Variants in NBAS observed in about 807,000 individuals in gnomAD.
NBAS encodes the protein NBAS subunit of NRZ tethering complex.
In NBAS, 219 loss-of-function variants were observed where a neutral mutation model predicts 302.5. That is an observed-to-expected ratio of 0.72 (90% CI 0.65 to 0.81). NBAS has a LOEUF of 0.81. Among genes scored for constraint, NBAS ranks in the 30% least tolerant of loss-of-function variants. The probability of loss-of-function intolerance (pLI) is 0.00; values close to 1 mark genes in which losing one functional copy is unlikely to be tolerated. For synonymous variants in NBAS, 1,118 were observed against 1,021.6 expected, an observed-to-expected ratio of 1.09 and a Z score of -1.80; for missense variants, 2,932 against 2,841.6, an observed-to-expected ratio of 1.03 and a Z score of -0.72.
At chr2:14,859,521 C>A in the NBAS span, among the ~76,000 whole-genome samples, 9 of 151,820 alleles carry the variant, frequency 5.9e-5, no homozygotes, top group Non-Finnish European at 1.2e-4. Context: ...AAATAGAGAA[C>A]CCAGATTCAC....
At chr2:15,060,005 T>C in the NBAS span, among the ~76,000 whole-genome samples, 2 of 146,002 alleles carry the variant, frequency 1.4e-5, no homozygotes, top group Admixed American at 1.4e-4. Context: ...CGTAGAAGTG[T>C]CGTCATTTAA....
chr2:14,913,266 C>A, the NBAS span, among the ~76,000 whole-genome samples: 2 of 152,232 alleles, frequency 1.3e-5, no homozygotes, highest in East Asian at 3.9e-4. Context: ...GTGCTGTGGC[C>A]GACTTAAGCA....
intron 7 of NBAS, chr2:15,538,215 G>T (rs929275396): frequency 8.8e-6 from 2 of 228,380 alleles, no homozygotes; most frequent in African/African-American, 2.3e-5. Context: ...TATTGTATAT[G>T]TGACCAAATA....
the NBAS span, among the ~76,000 whole-genome samples, chr2:14,985,111 G>C: frequency 6.6e-6 from 1 of 152,246 alleles, no homozygotes. Context: ...TGTCAGAGCA[G>C]AGGTAAATGT....
the NBAS span, among the ~76,000 whole-genome samples, chr2:14,932,477 A>C: frequency 6.6e-6 from 1 of 152,230 alleles, no homozygotes; most frequent in Admixed American, 6.5e-5. Context: ...CTGATGACTA[A>C]GCCAGTTATT....
chr2:15,100,710 C>T, the NBAS span, among the ~76,000 whole-genome samples: 1 of 152,264 alleles, frequency 6.6e-6, no homozygotes, highest in South Asian at 2.1e-4. Flanking sequence ...CACATTAGAT[C>T]TGACCCTTCA....
the NBAS span, among the ~76,000 whole-genome samples, chr2:15,109,818 C>G: frequency 6.6e-6 from 1 of 152,194 alleles, no homozygotes. Flanking sequence ...GTTAGGATTT[C>G]AACATATGAA....
intron 25 of NBAS, among the ~76,000 whole-genome samples, chr2:15,409,061 AG>A (rs1676558570): frequency 6.6e-6 from 1 of 152,200 alleles, no homozygotes; most frequent in African/African-American, 2.4e-5. Context: ...ATTAACTATT[AG>A]GTTGACTTAA....
chr2:15,523,021 G>A (rs1264891047), intron 9 of NBAS, among the ~76,000 whole-genome samples: 1 of 152,146 alleles, frequency 6.6e-6, no homozygotes, highest in African/African-American at 2.4e-5. Flanking sequence ...TATCTGAAAC[G>A]GTGCGCACCA....
At chr2:14,841,180 C>A in the NBAS span, among the ~76,000 whole-genome samples, 1 of 151,388 alleles carries the variant, frequency 6.6e-6, no homozygotes, top group African/African-American at 2.4e-5. Flanking sequence ...AATGGAAAAA[C>A]GTATCATGGA....
intron 51 of NBAS, among the ~76,000 whole-genome samples, chr2:15,176,905 T>TA (rs1440665867): frequency 6.6e-6 from 1 of 152,158 alleles, no homozygotes; most frequent in Non-Finnish European, 1.5e-5. Context: ...CTCAAAAAGT[T>TA]AAAAAAATGT....
chr2:14,988,017 A>ATGATAAGGTGTCCGTATT, the NBAS span, among the ~76,000 whole-genome samples: 1 of 152,052 alleles, frequency 6.6e-6, no homozygotes, highest in Non-Finnish European at 1.5e-5. Context: ...CTCAATCCAT[A>ATGATAAGGTGTCCGTATT]TGATAAGGTG....
intron 48 of NBAS, among the ~76,000 whole-genome samples, chr2:15,198,020 C>G (rs1665698882): frequency 6.6e-6 from 1 of 152,114 alleles, no homozygotes; most frequent in Admixed American, 6.6e-5. Flanking sequence ...AATCAGTTGT[C>G]TTCATATATT....
At chr2:15,387,201 G>A (rs373487927) in intron 28 of NBAS, among the ~76,000 whole-genome samples, 35 of 151,820 alleles carry the variant, frequency 2.3e-4, no homozygotes, top group Middle Eastern at 3.4e-3. Context: ...CCAAGTAGCT[G>A]GGACTATAGG....
At chr2:14,857,279 C>T in the NBAS span, among the ~76,000 whole-genome samples, 1 of 152,030 alleles carries the variant, frequency 6.6e-6, no homozygotes, top group Non-Finnish European at 1.5e-5. Context: ...ATGCACTTTC[C>T]ATCAAAATAC....
In NBAS at chr2:15,275,782, C is replaced by T. The variant is rs1361826460; in HGVS notation, c.5426G>A (p.Ser1809Asn). Reference sequence around the variant, plus strand: ...AACTGGCTCCAATGCTTCAAGAGGACTCATGTTTTCATCTGTCAGCTTTTT... The same window carrying T: ...AACTGGCTCCAATGCTTCAAGAGGATTCATGTTTTCATCTGTCAGCTTTTT... ...NYKKLTDENM[S>N]PLEALEPVLS... is the part of the protein sequence containing the mutation. The change falls in exon 44 of 52, where the codon AGT becomes AAT. Residue 1809 changes from serine (S) to asparagine (N), a missense_variant. Physicochemically the swap from Ser to Asn is conservative, Grantham distance 46. Coordinates refer to ENST00000281513, the MANE Select transcript of NBAS (RefSeq NM_015909.4). 1.2e-6 allele frequency: 2 copies of T among 1,613,916 alleles called. No individual in the cohort carries two copies. Among genetic ancestry groups the T allele is most frequent in the Non-Finnish European group, 1.7e-6 (2 of 1,180,000 alleles).
intron 40 of NBAS, among the ~76,000 whole-genome samples, chr2:15,293,354 T>C (rs1670404574): frequency 6.6e-6 from 1 of 152,226 alleles, no homozygotes; most frequent in Admixed American, 6.5e-5. Context: ...CAATTTTTAC[T>C]CCTCTAATTT....
chr2:15,183,881 A>T (rs779790272), intron 50 of NBAS, among the ~76,000 whole-genome samples: 2 of 152,194 alleles, frequency 1.3e-5, no homozygotes, highest in Non-Finnish European at 2.9e-5. Context: ...AACACTTAGC[A>T]ATCACTGACC....
chr2:14,872,380 C>T, the NBAS span, among the ~76,000 whole-genome samples: 3 of 152,006 alleles, frequency 2.0e-5, no homozygotes, highest in Non-Finnish European at 4.4e-5. Flanking sequence ...TTTATTACTA[C>T]ATCTACACAA....
Sources: gnomAD v4.1 joint callset for allele counts (sites outside exome capture counted in the v4.1 genomes callset) on GRCh38, gnomAD v4.1.1 for gene constraint, MANE v1.5 for transcripts, NCBI Gene and HGNC (gene_info 2026-07-23, HGNC 2026-07-21) for gene names.